The following PHF21A variants were observed in gnomAD, a reference collection of about 807,000 sequenced individuals.
PHF21A encodes the protein BHC80a.
Under a neutral mutation model 82.5 loss-of-function variants are expected in PHF21A, and 11 were observed. The observed-to-expected ratio is 0.13, with a 90% CI of 0.08 to 0.22. PHF21A has a LOEUF of 0.22. Ranked by LOEUF, PHF21A falls within the 10% of genes least tolerant of loss-of-function variation. PHF21A has a pLI of 1.00. For synonymous variants in PHF21A, 297 were observed against 302.8 expected, an observed-to-expected ratio of 0.98 and a Z score of 0.20; for missense variants, 579 against 837.8, an observed-to-expected ratio of 0.69 and a Z score of 3.81.
intron 1 of PHF21A, chr11:46,119,839 G>C (rs949590774): frequency 1.3e-5 from 2 of 150,114 alleles, no homozygotes; most frequent in Non-Finnish European, 3.0e-5. Context: ...CGTGCACGAC[G>C]GGGCTGGACC....
At chr11:45,960,069 T>C (rs1248648965) in intron 10 of PHF21A, among the ~76,000 whole-genome samples, 3 of 152,206 alleles carry the variant, frequency 2.0e-5, no homozygotes, top group African/African-American at 7.2e-5. Flanking sequence ...AATGCTCATG[T>C]ACTGCCTTTG....
chr11:46,080,765 T>C (rs2096781720), intron 4 of PHF21A, among the ~76,000 whole-genome samples: 1 of 152,160 alleles, frequency 6.6e-6, no homozygotes, highest in Admixed American at 6.5e-5. Flanking sequence ...ACTCCTGGGC[T>C]TCAGCAATCT....
At chr11:46,001,901 T>C (rs985044823) in intron 6 of PHF21A, among the ~76,000 whole-genome samples, 20 of 152,318 alleles carry the variant, frequency 1.3e-4, no homozygotes, top group Admixed American at 9.8e-4. Flanking sequence ...AAATGTTCAA[T>C]TGCAGGGATG....
intron 6 of PHF21A, among the ~76,000 whole-genome samples, chr11:46,030,947 A>G (rs1184699219): frequency 6.6e-6 from 1 of 152,054 alleles, no homozygotes; most frequent in Non-Finnish European, 1.5e-5. Flanking sequence ...AAACAGTAGC[A>G]TCTATCAATA....
chr11:45,956,266 T>A (rs897571432), intron 10 of PHF21A, among the ~76,000 whole-genome samples: 30 of 152,296 alleles, frequency 2.0e-4, no homozygotes, highest in African/African-American at 6.7e-4. Context: ...GATGAATAAA[T>A]ATAAAAGCCA....
chr11:46,068,138 C>T (rs2139721883), intron 6 of PHF21A, among the ~76,000 whole-genome samples: 1 of 152,238 alleles, frequency 6.6e-6, no homozygotes, highest in Non-Finnish European at 1.5e-5. Flanking sequence ...CTAAAGGTAT[C>T]AGTGCTAATG....
intron 7 of PHF21A, among the ~76,000 whole-genome samples, chr11:45,975,963 T>A (rs2946003): frequency 2.0e-5 from 3 of 151,874 alleles, no homozygotes; most frequent in Non-Finnish European, 4.4e-5. Context: ...CTTGCCCTCA[T>A]ACATTAAATA....
chr11:46,084,282 A>C lies in PHF21A; in HGVS notation c.-63T>G. The C allele has an allele frequency of 8.1e-7, 1 of 1,237,764 alleles. No individual in the cohort carries two copies. The highest frequency in any genetic ancestry group is 1.2e-6 in the Non-Finnish European group (1 of 866,536). 76.7% of individuals were successfully genotyped at this position (1,237,764 alleles called of 1,614,324 possible). A position where few individuals can be genotyped will look rare whatever the true frequency, so the allele number is the denominator to read the frequency against. On this transcript the variant is annotated 5_prime_UTR_variant, in exon 4 of 19. Coordinates refer to ENST00000676320, the MANE Select transcript of PHF21A (RefSeq NM_001352027.3). ...TTCTTCAGCCTCTGTTTAAAGTAAC[A>C]AACTCCTCTTCTCACTGCAGCTGTA... is the stretch of plus-strand genomic sequence containing the variant.
rs983997547 is a variant in PHF21A at position 46,095,177 on chromosome 11, T to C, written c.-236-2954A>G. On this transcript the variant is annotated intron_variant, in intron 1 of 18. Coordinates refer to ENST00000676320, the MANE Select transcript of PHF21A (RefSeq NM_001352027.3). ...AGATTGAATATTAATTGACTACCAT[T>C]TGGAAATTGTCAAAAAAAAAGCAAA... 1.3e-4 allele frequency among the ~76,000 whole-genome samples: 8 copies of C among 61,450 alleles called. No homozygotes were observed. The Admixed American group carries it at 1.9e-3, about 14-fold the overall frequency. The allele number at this position is 61,450 out of a possible 152,430, so 40.3% of individuals were successfully genotyped here.
At position 46,069,770 on chromosome 11, in the gene PHF21A, T is replaced by G. The variant is rs151309055; in HGVS notation, c.153+6984A>C. Among the ~76,000 whole-genome samples the G allele has an allele frequency of 6.6e-5, 10 of 152,350 alleles. No individual in the cohort carries two copies. In the East Asian group the frequency reaches 1.7e-3, roughly 26 times the overall value. ...TAAAGCCCACATCTCAGTTTATGTA[T>G]CACAATGATGCACTTGTGATTGAGT... On this transcript the variant is annotated intron_variant, in intron 6 of 18. Coordinates refer to ENST00000676320, the MANE Select transcript of PHF21A (RefSeq NM_001352027.3).
In PHF21A at chr11:45,983,700, G is replaced by C. The variant is rs576530724; in HGVS notation, c.154-3734C>G. Reference sequence around the variant, plus strand: ...TGTGCATATTAGCTGGCTTTTCTAAGTCTCACAATCCAGTCTCGTTCTAGT... The same window carrying C: ...TGTGCATATTAGCTGGCTTTTCTAACTCTCACAATCCAGTCTCGTTCTAGT... On this transcript the variant is annotated intron_variant, in intron 6 of 18. Transcript: ENST00000676320. Among the ~76,000 whole-genome samples, 7 of 152,286 alleles carry C rather than the reference G, an allele frequency of 4.6e-5. No homozygotes were observed. The East Asian group carries it at 1.3e-3, about 29-fold the overall frequency.
chr11:45,973,547 G>A (rs1435403508), intron 7 of PHF21A, among the ~76,000 whole-genome samples: 2 of 152,110 alleles, frequency 1.3e-5, no homozygotes, highest in African/African-American at 2.4e-5. Context: ...GAGTAAACGC[G>A]GAACACTGAT....
intron 4 of PHF21A, among the ~76,000 whole-genome samples, chr11:46,083,168 TAAAA>T (rs76595296): frequency 1.4e-5 from 2 of 142,244 alleles, no homozygotes; most frequent in African/African-American, 5.1e-5. Context: ...GAAGCAAAGT[TAAAA>T]AAAAAAAAAA....
At chr11:46,030,608 A>C (rs1392766974) in intron 6 of PHF21A, among the ~76,000 whole-genome samples, 2 of 152,244 alleles carry the variant, frequency 1.3e-5, no homozygotes, top group Non-Finnish European at 2.9e-5. Flanking sequence ...TTGAACACAA[A>C]ATTCAAAAAG....
intron 2 of PHF21A, among the ~76,000 whole-genome samples, chr11:46,091,626 CCA>C (rs2096925618): frequency 6.6e-6 from 1 of 152,192 alleles, no homozygotes; most frequent in African/African-American, 2.4e-5. Flanking sequence ...AGTCAAGTTT[CCA>C]CAGTTAAATT....
chr11:46,110,176 T>C (rs1439147032), intron 1 of PHF21A, among the ~76,000 whole-genome samples: 3 of 152,176 alleles, frequency 2.0e-5, no homozygotes, highest in African/African-American at 4.8e-5. Flanking sequence ...AGTACATTCA[T>C]GAGTATTATC....
intron 6 of PHF21A, among the ~76,000 whole-genome samples, chr11:46,001,305 C>T (rs1004299167): frequency 6.6e-6 from 1 of 150,782 alleles, no homozygotes; most frequent in African/African-American, 2.4e-5. Flanking sequence ...GGAAATGGGG[C>T]TCTAAGATGT....
chr11:46,086,499 T>A (rs1241850713), intron 3 of PHF21A, among the ~76,000 whole-genome samples: 1 of 152,214 alleles, frequency 6.6e-6, no homozygotes, highest in Non-Finnish European at 1.5e-5. Context: ...AAGACCAAGA[T>A]TTTTGTTATC....
In PHF21A at chr11:45,953,516, CAT is replaced by C. The variant is rs1296415475; in HGVS notation, c.1095+9_1095+10del. On this transcript the variant is annotated intron_variant, in intron 11 of 18. Coordinates refer to ENST00000676320, the MANE Select transcript of PHF21A (RefSeq NM_001352027.3). Reference sequence around the variant, plus strand: ...ATAGACTGAGACCTGCCTTTGGAAACATAGGCCTACCTGAGGGTTCTCCTCCC... The same window carrying C: ...ATAGACTGAGACCTGCCTTTGGAAACAGGCCTACCTGAGGGTTCTCCTCCC... 2 of 1,577,472 alleles carry C rather than the reference CAT, an allele frequency of 1.3e-6. No individual in the cohort carries two copies. The highest frequency in any genetic ancestry group is 1.1e-5 in the South Asian group (1 of 90,294).
Sources: allele counts gnomAD v4.1 joint callset (sites outside exome capture counted in the v4.1 genomes callset), GRCh38; gene constraint gnomAD v4.1.1; transcripts MANE v1.5; gene names NCBI Gene and HGNC (gene_info 2026-07-23, HGNC 2026-07-21).